CDH18: variants seen among roughly 807,000 people sequenced by gnomAD.
The protein encoded by CDH18 is cadherin 18.
Under a neutral mutation model 67.9 loss-of-function variants are expected in CDH18, and 31 were observed. The ratio of observed to expected loss-of-function variants is 0.46; its 90% CI spans 0.34 to 0.62. The LOEUF (loss-of-function observed/expected upper bound fraction) is 0.62. Among genes scored for constraint, CDH18 ranks in the 20% least tolerant of loss-of-function variants. CDH18 has a pLI of 0.01. For missense variants in CDH18, 890 were observed against 975.5 expected (o/e 0.91, Z 1.17); for synonymous variants, 362 against 347.2 (o/e 1.04, Z -0.48).
chr5:19,755,199 T>C (rs1004424163), intron 3 of CDH18, among the ~76,000 whole-genome samples: 1 of 144,136 alleles, frequency 6.9e-6, no homozygotes, highest in African/African-American at 2.6e-5. Context: ...ACAAAAAAAA[T>C]ACAAAAAATA....
At chr5:19,756,792 T>C (rs561824120) in intron 3 of CDH18, among the ~76,000 whole-genome samples, 10 of 152,216 alleles carry the variant, frequency 6.6e-5, no homozygotes, top group African/African-American at 2.2e-4. Flanking sequence ...GAATGTAATA[T>C]CACAGTAACA....
At chr5:19,831,139 C>T (rs1383195520) in intron 3 of CDH18, among the ~76,000 whole-genome samples, 1 of 152,014 alleles carries the variant, frequency 6.6e-6, no homozygotes, top group Non-Finnish European at 1.5e-5. Context: ...CCATGTGACA[C>T]ACAATTTACC....
chr5:20,372,257 AG>A (rs1350661946), intron 1 of CDH18, among the ~76,000 whole-genome samples: 1 of 152,216 alleles, frequency 6.6e-6, no homozygotes, highest in African/African-American at 2.4e-5. Context: ...TTTTAGAGAT[AG>A]GTTTAATATT....
intron 1 of CDH18, among the ~76,000 whole-genome samples, chr5:20,504,188 G>A (rs189574415): frequency 2.4e-4 from 36 of 152,236 alleles, no homozygotes; most frequent in Admixed American, 1.6e-3. Flanking sequence ...CTAGTGAGAC[G>A]CTAAGTCTAA....
intron 2 of CDH18, among the ~76,000 whole-genome samples, chr5:20,179,606 T>G (rs1737522197): frequency 6.6e-6 from 1 of 152,144 alleles, no homozygotes; most frequent in African/African-American, 2.4e-5. Flanking sequence ...TGGGAAGAAC[T>G]GCCAGTGGGA....
At chr5:19,937,997 AAT>A (rs922542302) in intron 2 of CDH18, among the ~76,000 whole-genome samples, 1 of 148,100 alleles carries the variant, frequency 6.8e-6, no homozygotes, top group Non-Finnish European at 1.5e-5. Context: ...TAGCAAATAA[AAT>A]ATATTTGCTA....
chr5:20,500,742 C>T (rs749668109), intron 1 of CDH18, among the ~76,000 whole-genome samples: 1 of 151,978 alleles, frequency 6.6e-6, no homozygotes, highest in Non-Finnish European at 1.5e-5. Flanking sequence ...CAAATGTGTC[C>T]AAATATTTGT....
At chr5:20,569,238 G>T (rs1264459013) in intron 1 of CDH18, among the ~76,000 whole-genome samples, 1 of 152,160 alleles carries the variant, frequency 6.6e-6, no homozygotes, top group Non-Finnish European at 1.5e-5. Flanking sequence ...AAGGGGAATG[G>T]AGAGGAAAAG....
At chr5:20,385,772 T>C (rs535580785) in intron 1 of CDH18, among the ~76,000 whole-genome samples, 23 of 152,222 alleles carry the variant, frequency 1.5e-4, no homozygotes, top group Non-Finnish European at 3.2e-4. Flanking sequence ...GACTGCTATA[T>C]AAACATTGCA....
intron 3 of CDH18, among the ~76,000 whole-genome samples, chr5:19,756,564 A>C (rs968991257): frequency 3.2e-4 from 49 of 152,316 alleles, no homozygotes; most frequent in African/African-American, 1.1e-3. Context: ...TATCCCATGC[A>C]TACTGTTCTT....
chr5:20,391,817 A>AT (rs1369176030), intron 1 of CDH18, among the ~76,000 whole-genome samples: 1 of 151,994 alleles, frequency 6.6e-6, no homozygotes, highest in Non-Finnish European at 1.5e-5. Context: ...TAAATTAGCC[A>AT]TTTTTTATAC....
rs115929799 is a variant in CDH18 at position 19,719,055 on chromosome 5, A to T, written c.643+2292T>A. 7.1e-3 allele frequency among the ~76,000 whole-genome samples: 1,077 copies of T among 152,144 alleles called. 4 individuals carry two copies. The highest frequency in any genetic ancestry group is 0.011 in the Non-Finnish European group (765 of 67,882). ...TGACCTAATTTATCCATCCAAGTGCATACACATACATGTATTTACTCACAC... is the reference window on the plus strand; with the variant it reads ...TGACCTAATTTATCCATCCAAGTGCTTACACATACATGTATTTACTCACAC... On this transcript the variant is annotated intron_variant, in intron 5 of 12. Coordinates refer to ENST00000382275, the MANE Select transcript of CDH18 (RefSeq NM_004934.5).
At chr5:20,299,757 C>CAAAAAA (rs368044422) in intron 1 of CDH18, among the ~76,000 whole-genome samples, 40 of 107,438 alleles carry the variant, frequency 3.7e-4, no homozygotes, top group African/African-American at 1.1e-3. Flanking sequence ...GGCTCTGTCT[C>CAAAAAA]AAAAAAAAAA....
intron 2 of CDH18, among the ~76,000 whole-genome samples, chr5:20,137,625 T>C (rs1423275683): frequency 6.6e-6 from 1 of 152,114 alleles, no homozygotes; most frequent in Non-Finnish European, 1.5e-5. Flanking sequence ...TTTGTTCCAT[T>C]GCTGGCAAGG....
intron 2 of CDH18, among the ~76,000 whole-genome samples, chr5:20,155,434 T>C (rs1411727424): frequency 6.6e-6 from 1 of 152,158 alleles, no homozygotes; most frequent in Non-Finnish European, 1.5e-5. Flanking sequence ...GTTTGTTTTT[T>C]CCTTGCGGAG....
intron 1 of CDH18, among the ~76,000 whole-genome samples, chr5:20,408,380 T>A (rs1032953579): frequency 6.6e-6 from 1 of 151,982 alleles, no homozygotes; most frequent in East Asian, 1.9e-4. Flanking sequence ...ATTTTTTTAA[T>A]CTTGGGGGTA....
At chr5:19,864,461 T>C (rs553162788) in intron 2 of CDH18, among the ~76,000 whole-genome samples, 3 of 151,840 alleles carry the variant, frequency 2.0e-5, no homozygotes, top group Admixed American at 6.6e-5. Flanking sequence ...CACACCATCA[T>C]GGCACATGTA....
At chr5:19,943,697 A>G (rs1277108956) in intron 2 of CDH18, among the ~76,000 whole-genome samples, 3 of 152,124 alleles carry the variant, frequency 2.0e-5, no homozygotes, top group African/African-American at 7.2e-5. Flanking sequence ...AATTAAAAAA[A>G]CACTCGAATA....
At chr5:19,752,004 G>C (rs1159709410) in intron 3 of CDH18, among the ~76,000 whole-genome samples, 1 of 152,096 alleles carries the variant, frequency 6.6e-6, no homozygotes, top group African/African-American at 2.4e-5. Context: ...CCCAAATATT[G>C]TAAGTGCCCA....
Sources: allele counts gnomAD v4.1 joint callset (sites outside exome capture counted in the v4.1 genomes callset), GRCh38; gene constraint gnomAD v4.1.1; transcripts MANE v1.5; gene names NCBI Gene and HGNC (gene_info 2026-07-23, HGNC 2026-07-21).